Variants in FSTL4 observed in about 807,000 individuals in gnomAD.
The protein encoded by FSTL4 is follistatin-related protein 4.
FSTL4 carries 28 observed loss-of-function variants against 78.2 expected under a neutral mutation model. That is an observed-to-expected ratio of 0.36 (90% CI 0.27 to 0.49). The LOEUF (loss-of-function observed/expected upper bound fraction) is 0.49, where lower values mean the gene tolerates loss of function less well. FSTL4 is among the 20% of genes least tolerant of loss of function. The pLI, the probability that FSTL4 is intolerant of heterozygous loss-of-function variation, is 0.98. For synonymous variants in FSTL4, 422 were observed against 440.5 expected, an observed-to-expected ratio of 0.96 and a Z score of 0.53; for missense variants, 922 against 1,084.9, an observed-to-expected ratio of 0.85 and a Z score of 2.11.
At chr5:133,351,765 G>C (rs368016947) in intron 4 of FSTL4, among the ~76,000 whole-genome samples, 3 of 151,926 alleles carry the variant, frequency 2.0e-5, no homozygotes, top group African/African-American at 7.3e-5. Context: ...GCACTACCTT[G>C]CCCAGCTAGT....
At chr5:133,744,905 T>C in the FSTL4 span, among the ~76,000 whole-genome samples, 1 of 152,190 alleles carries the variant, frequency 6.6e-6, no homozygotes, top group Non-Finnish European at 1.5e-5. Flanking sequence ...GTGAATTGGA[T>C]ACTCCCATAC....
chr5:133,718,061 A>G, the FSTL4 span, among the ~76,000 whole-genome samples: 3 of 151,268 alleles, frequency 2.0e-5, no homozygotes, highest in African/African-American at 7.3e-5. Flanking sequence ...ATCCTCTCCA[A>G]TATTTAGTTT....
intron 3 of FSTL4, among the ~76,000 whole-genome samples, chr5:133,468,826 G>A (rs79077250): frequency 0.023 from 3,457 of 152,180 alleles, 109 homozygotes; most frequent in African/African-American, 0.078. Flanking sequence ...GGAAACAGAC[G>A]GCTACCCAAC....
the FSTL4 span, among the ~76,000 whole-genome samples, chr5:133,730,675 T>C: frequency 2.6e-5 from 4 of 152,208 alleles, no homozygotes; most frequent in Non-Finnish European, 5.9e-5. Flanking sequence ...AAACAGAAAG[T>C]TCCTGTGATG....
chr5:133,783,145 C>T, the FSTL4 span, among the ~76,000 whole-genome samples: 1 of 152,162 alleles, frequency 6.6e-6, no homozygotes, highest in African/African-American at 2.4e-5. Flanking sequence ...CCCAAGTGCT[C>T]ACAGTTTTTG....
rs190682659 is a variant in FSTL4, at chr5:133,326,303, C to T, written c.410-9651G>A. On this transcript the variant is annotated intron_variant, in intron 4 of 15. Transcript: ENST00000265342. Reference sequence around the variant, plus strand: ...CGTTTCACTGACAGTGTTGACTGAGCCACAAAACTCTGAAAATTCCAAGAG... The same window carrying T: ...CGTTTCACTGACAGTGTTGACTGAGTCACAAAACTCTGAAAATTCCAAGAG... 2.9e-3 allele frequency among the ~76,000 whole-genome samples: 436 copies of T among 152,268 alleles called. 1 individual carries two copies. The highest frequency in any genetic ancestry group is 9.2e-3 in the African/African-American group (383 of 41,548).
the FSTL4 span, among the ~76,000 whole-genome samples, chr5:133,753,815 C>G: frequency 6.6e-6 from 1 of 151,702 alleles, no homozygotes; most frequent in South Asian, 2.1e-4. Context: ...GAGTGGCTGT[C>G]TGGGCACACC....
At chr5:133,311,124 TCTAA>T (rs1443471288) in intron 6 of FSTL4, among the ~76,000 whole-genome samples, 1 of 152,208 alleles carries the variant, frequency 6.6e-6, no homozygotes, top group Non-Finnish European at 1.5e-5. Flanking sequence ...CGACCAAGTG[TCTAA>T]CTGTTTGCTT....
chr5:133,372,936 T>C (rs1158789064), intron 4 of FSTL4, among the ~76,000 whole-genome samples: 1 of 152,146 alleles, frequency 6.6e-6, no homozygotes, highest in South Asian at 2.1e-4. Context: ...TGTGAGAACA[T>C]CATGGCTGGC....
chr5:133,700,807 G>A, the FSTL4 span, among the ~76,000 whole-genome samples: 1 of 152,212 alleles, frequency 6.6e-6, no homozygotes, highest in African/African-American at 2.4e-5. Context: ...TAAATGGAGT[G>A]TGAAGATGAG....
At chr5:133,600,956 G>C (rs1287787396) in intron 2 of FSTL4, among the ~76,000 whole-genome samples, 1 of 152,242 alleles carries the variant, frequency 6.6e-6, no homozygotes, top group African/African-American at 2.4e-5. Flanking sequence ...GAAACTGCTA[G>C]AGGAGTTTAA....
chr5:133,818,931 C>CTATATATATATA, the FSTL4 span, among the ~76,000 whole-genome samples: 3,649 of 61,752 alleles, frequency 0.059, 768 homozygotes, highest in Middle Eastern at 0.089. Context: ...TTAGAAGATA[C>CTATATATATATA]TATATATATA....
chr5:133,352,295 CA>C (rs1754844167), intron 4 of FSTL4, among the ~76,000 whole-genome samples: 1 of 116,226 alleles, frequency 8.6e-6, no homozygotes, highest in Non-Finnish European at 1.8e-5. Flanking sequence ...CATATATATA[CA>C]CACACATATA....
chr5:133,353,016 T>A (rs772140313), intron 4 of FSTL4, among the ~76,000 whole-genome samples: 10 of 152,234 alleles, frequency 6.6e-5, no homozygotes, highest in Non-Finnish European at 1.3e-4. Flanking sequence ...AAACAGCAGA[T>A]CTGTCCTCTT....
At chr5:133,633,792 G>T in the FSTL4 span, among the ~76,000 whole-genome samples, 1 of 151,874 alleles carries the variant, frequency 6.6e-6, no homozygotes, top group African/African-American at 2.4e-5. Flanking sequence ...AGGGACAAAG[G>T]TGTCATCTGT....
intron 4 of FSTL4, among the ~76,000 whole-genome samples, chr5:133,356,609 G>A (rs1281131124): frequency 2.0e-5 from 3 of 152,176 alleles, no homozygotes; most frequent in Non-Finnish European, 2.9e-5. Context: ...CCAGGAGCCC[G>A]TTGATGAGTA....
At chr5:133,720,754 A>G in the FSTL4 span, 1 of 153,172 alleles carries the variant, frequency 6.5e-6, no homozygotes, top group Admixed American at 6.5e-5. Flanking sequence ...TCCACGCCTG[A>G]TCAATTTCAA....
chr5:133,578,992 A>G (rs941084062), intron 2 of FSTL4, among the ~76,000 whole-genome samples: 1 of 152,218 alleles, frequency 6.6e-6, no homozygotes, highest in Non-Finnish European at 1.5e-5. Context: ...CAAGACCATC[A>G]CAACAGTTAG....
At chr5:133,708,523 C>T in the FSTL4 span, among the ~76,000 whole-genome samples, 6 of 152,310 alleles carry the variant, frequency 3.9e-5, no homozygotes, top group African/African-American at 1.4e-4. Context: ...CGTTCCTCCT[C>T]CCAGACCCTA....
Sources: gnomAD v4.1 joint callset for allele counts (sites outside exome capture counted in the v4.1 genomes callset) on GRCh38, gnomAD v4.1.1 for gene constraint, MANE v1.5 for transcripts, NCBI Gene and HGNC (gene_info 2026-07-23, HGNC 2026-07-21) for gene names.